The following OR9Q1 variants were observed in gnomAD, a reference collection of about 807,000 sequenced individuals.
The protein encoded by OR9Q1 is olfactory receptor family 9 subfamily Q member 1, also known as olfactory receptor 9Q1.
For synonymous variants in OR9Q1, 153 were observed against 148.6 expected (o/e 1.03, Z -0.22); for missense variants, 374 against 378.8 (o/e 0.99, Z 0.11).
At chr11:58,170,642 G>T (rs1205101142) in intron 2 of OR9Q1, among the ~76,000 whole-genome samples, 6 of 152,054 alleles carry the variant, frequency 3.9e-5, no homozygotes, top group Non-Finnish European at 7.4e-5. Flanking sequence ...CATGGGGGTG[G>T]TTCCCCCATA....
chr11:58,170,475 G>A lies in OR9Q1; in HGVS notation c.-14-8956G>A, dbSNP rs116393988. 1.1e-3 allele frequency among the ~76,000 whole-genome samples: 173 copies of A among 152,044 alleles called. 1 individual carries two copies. Among genetic ancestry groups the A allele is most frequent in the African/African-American group, 3.7e-3 (153 of 41,486 alleles). ...CAAAGAAATCCTTGTATCCTTCTAC[G>A]TGGTGTCCCTTGCAATTAAAAGCTT... On this transcript the variant is annotated intron_variant, in intron 2 of 2. Coordinates refer to ENST00000335397, the MANE Select transcript of OR9Q1 (RefSeq NM_001005212.4).
At chr11:58,118,935 C>A in intron 2 of OR9Q1, 1 of 1,613,982 alleles carries the variant, frequency 6.2e-7, no homozygotes, top group South Asian at 1.1e-5. Context: ...TTTGATTGTC[C>A]TTACAGAAGG....
At chr11:58,178,921 A>G (rs1854630740) in intron 2 of OR9Q1, among the ~76,000 whole-genome samples, 1 of 144,482 alleles carries the variant, frequency 6.9e-6, no homozygotes, top group Non-Finnish European at 1.5e-5. Context: ...TTATATATTT[A>G]TATATTATAT....
rs186001306 is a variant in OR9Q1, at chr11:58,099,685, G to A, written c.-15+43738G>A. On this transcript the variant is annotated intron_variant, in intron 2 of 2. Transcript: ENST00000335397. The stretch of plus-strand genomic sequence containing the variant: ...GGCAGTCTTTGTCTTTTGGTTGATC[G>A]GCTTCATCCATTTACATCTAATGAA... 5.3e-5 allele frequency among the ~76,000 whole-genome samples: 8 copies of A among 152,002 alleles called. No homozygotes were observed. The East Asian group carries it at 5.8e-4, about 11-fold the overall frequency.
intron 1 of OR9Q1, among the ~76,000 whole-genome samples, chr11:58,033,900 G>T (rs1470806653): frequency 6.6e-6 from 1 of 152,112 alleles, no homozygotes; most frequent in Non-Finnish European, 1.5e-5. Context: ...CTATAGTGTA[G>T]CTTAAAGAAT....
intron 2 of OR9Q1, among the ~76,000 whole-genome samples, chr11:58,071,469 A>T (rs769756099): frequency 3.3e-5 from 5 of 152,098 alleles, no homozygotes; most frequent in Non-Finnish European, 7.4e-5. Flanking sequence ...GCCTGGAAGA[A>T]GACAGAGCAT....
chr11:58,085,928 T>A lies in OR9Q1; in HGVS notation c.-15+29981T>A, dbSNP rs184934374. On this transcript the variant is annotated intron_variant, in intron 2 of 2. Coordinates refer to ENST00000335397, the MANE Select transcript of OR9Q1 (RefSeq NM_001005212.4). The stretch of plus-strand genomic sequence containing the variant: ...TAGGTAGGAGGTTATAAAGCCCTGG[T>A]GGATCCTAGGATGGTCTGAGTGGAG... Among the ~76,000 whole-genome samples, 89 of 151,902 alleles carry A rather than the reference T, an allele frequency of 5.9e-4. 1 individual carries two copies. The highest frequency in any genetic ancestry group is 2.0e-3 in the African/African-American group (82 of 41,258).
intron 2 of OR9Q1, among the ~76,000 whole-genome samples, chr11:58,179,200 AT>A (rs1854635871): frequency 6.6e-6 from 1 of 151,218 alleles, no homozygotes; most frequent in African/African-American, 2.4e-5. Flanking sequence ...TTTTTTTTGC[AT>A]TTTTAGTAGA....
At chr11:58,070,922 A>G (rs1197981950) in intron 2 of OR9Q1, among the ~76,000 whole-genome samples, 1 of 152,170 alleles carries the variant, frequency 6.6e-6, no homozygotes, top group Non-Finnish European at 1.5e-5. Flanking sequence ...CCCTTCTGCT[A>G]CCCACAGATG....
chr11:58,032,301 A>C (rs1197633619), intron 1 of OR9Q1, among the ~76,000 whole-genome samples: 1 of 152,208 alleles, frequency 6.6e-6, no homozygotes. Context: ...AAATTGCCAA[A>C]GCAATCCTAA....
Position 58,053,645 on chromosome 11 carries a change from A to T in OR9Q1, c.-92-2225A>T, listed in dbSNP as rs1026967395. Among the ~76,000 whole-genome samples, 971 of 139,418 alleles carry T rather than the reference A, an allele frequency of 7.0e-3. 23 individuals carry two copies. Among genetic ancestry groups the T allele is most frequent in the African/African-American group, 0.025 (919 of 37,194 alleles). 91.5% of individuals were successfully genotyped at this position (139,418 alleles called of 152,430 possible). ...TATATATAAAATATATATATATATA[A>T]ATTATATATATATAAAATATATATA... On this transcript the variant is annotated intron_variant, in intron 1 of 2. Transcript: ENST00000335397.
At chr11:58,169,661 TTTAAACTG>T in intron 2 of OR9Q1, among the ~76,000 whole-genome samples, 1 of 152,276 alleles carries the variant, frequency 6.6e-6, no homozygotes, top group East Asian at 1.9e-4. Context: ...ACATTCAGGA[TTTAAACTG>T]TCAATTCAAA....
intron 2 of OR9Q1, among the ~76,000 whole-genome samples, chr11:58,102,572 T>G (rs986019131): frequency 3.3e-5 from 5 of 151,990 alleles, no homozygotes; most frequent in Non-Finnish European, 5.9e-5. Context: ...TTTTTTTTCT[T>G]TCAGCATTTT....
At position 58,149,626 on chromosome 11, in the gene OR9Q1, C is replaced by T. The variant is rs560583955; in HGVS notation, c.-14-29805C>T. Among the ~76,000 whole-genome samples, 9 of 152,232 alleles carry T rather than the reference C, an allele frequency of 5.9e-5. No homozygotes were observed. In the South Asian group the frequency reaches 1.7e-3, roughly 28 times the overall value. ...CCCATTAACTCCCCATTTCTCTCTG[C>T]CCCCCTGCCACTGGCAATCACCATT... On this transcript the variant is annotated intron_variant, in intron 2 of 2. Coordinates refer to ENST00000335397, the MANE Select transcript of OR9Q1 (RefSeq NM_001005212.4).
At chr11:58,054,983 G>A (rs1167552120) in intron 1 of OR9Q1, among the ~76,000 whole-genome samples, 1 of 152,190 alleles carries the variant, frequency 6.6e-6, no homozygotes, top group Non-Finnish European at 1.5e-5. Context: ...ATATGTGTGT[G>A]TGTTGAACTG....
chr11:58,168,566 T>C (rs1854526791), intron 2 of OR9Q1, among the ~76,000 whole-genome samples: 1 of 152,200 alleles, frequency 6.6e-6, no homozygotes, highest in African/African-American at 2.4e-5. Flanking sequence ...TTCTCATTAA[T>C]CAATTCTAGT....
chr11:58,090,367 T>C (rs901722839), intron 2 of OR9Q1, among the ~76,000 whole-genome samples: 2 of 152,216 alleles, frequency 1.3e-5, no homozygotes, highest in African/African-American at 4.8e-5. Flanking sequence ...GGTGTTGAAT[T>C]TTATCAAAGA....
intron 1 of OR9Q1, chr11:58,030,933 C>T: frequency 6.6e-7 from 1 of 1,505,474 alleles, no homozygotes; most frequent in Non-Finnish European, 9.2e-7. Flanking sequence ...TATGAGTTTG[C>T]TGAGCTCTCA....
At chr11:58,070,724 G>A (rs1293027796) in intron 2 of OR9Q1, among the ~76,000 whole-genome samples, 1 of 152,206 alleles carries the variant, frequency 6.6e-6, no homozygotes, top group South Asian at 2.1e-4. Flanking sequence ...CATGGCCACA[G>A]TGTCTTCACT....
Sources: allele counts gnomAD v4.1 joint callset (sites outside exome capture counted in the v4.1 genomes callset), GRCh38; gene constraint gnomAD v4.1.1; transcripts MANE v1.5; gene names NCBI Gene and HGNC (gene_info 2026-07-23, HGNC 2026-07-21).